SPRY3: variants seen among roughly 807,000 people sequenced by gnomAD.
SPRY3 encodes the protein sprouty RTK signaling antagonist 3.
A neutral mutation model predicts 20.2 loss-of-function variants in SPRY3; 15 were observed. The observed-to-expected ratio is 0.74, with a 90% confidence interval of 0.50 to 1.14. The LOEUF (loss-of-function observed/expected upper bound fraction) is 1.14. SPRY3 is among the 50% of genes most tolerant of loss of function. The pLI, the probability that SPRY3 is intolerant of heterozygous loss-of-function variation, is 0.00. For synonymous variants in SPRY3, 143 were observed against 136.5 expected (o/e 1.05, Z -0.33); for missense variants, 364 against 363.9 (o/e 1.00, Z 0.00).
intron 2 of SPRY3, among the ~76,000 whole-genome samples, chrX:155,712,237 T>A (rs2090991939): frequency 6.6e-6 from 1 of 151,926 alleles, no homozygotes; most frequent in South Asian, 2.1e-4. Context: ...TTAGTCCATG[T>A]TTCTTTGTTG....
chrX:155,661,199 C>A (rs1300666999), intron 2 of SPRY3, among the ~76,000 whole-genome samples: 2 of 111,884 alleles, frequency 1.8e-5, no homozygotes, highest in South Asian at 3.7e-4. Context: ...AAATTCCTTT[C>A]AGCATTTCTT....
At chrX:155,781,656 T>C (rs1354247714), downstream of SPRY3, 3 of 166,992 alleles carry the variant, frequency 1.8e-5, no homozygotes, top group Admixed American at 6.6e-5. Flanking sequence ...ATGACGATAA[T>C]AAAGCCTAGA....
intron 2 of SPRY3, among the ~76,000 whole-genome samples, chrX:155,730,844 T>G (rs1602972131): frequency 6.6e-6 from 1 of 152,072 alleles, no homozygotes; most frequent in South Asian, 2.1e-4. Flanking sequence ...GATACAAAAA[T>G]CAGTAGCATT....
At chrX:155,614,040 A>G (rs2067841770) in intron 1 of SPRY3, among the ~76,000 whole-genome samples, 1 of 112,038 alleles carries the variant, frequency 8.9e-6, no homozygotes, top group South Asian at 3.7e-4. Context: ...AAACAAAAGG[A>G]CATATCCAGA....
chrX:155,634,651 C>A (rs920302916), intron 1 of SPRY3, among the ~76,000 whole-genome samples: 3 of 110,506 alleles, frequency 2.7e-5, no homozygotes, highest in African/African-American at 9.9e-5. Context: ...TAAAGTGCAG[C>A]AAAAATAATT....
At chrX:155,767,075 C>A (rs924983262) in intron 2 of SPRY3, among the ~76,000 whole-genome samples, 2 of 152,092 alleles carry the variant, frequency 1.3e-5, no homozygotes, top group Non-Finnish European at 2.9e-5. Flanking sequence ...CCCACCCCCA[C>A]GTTCCTTTAA....
chrX:155,781,962 G>C (rs919071450), exon 2 of SPRY3: 1 of 166,952 alleles, frequency 6.0e-6, no homozygotes, highest in Non-Finnish European at 1.5e-5. Flanking sequence ...TGCTGGAATA[G>C]GGATCAAGAG....
intron 1 of SPRY3, among the ~76,000 whole-genome samples, chrX:155,651,297 G>T (rs782684244): frequency 4.5e-5 from 5 of 110,548 alleles, no homozygotes; most frequent in Non-Finnish European, 9.5e-5. Context: ...GGTCTCGAGT[G>T]ATCTGCCCAC....
exon 4 of SPRY3, chrX:155,774,747 C>G (rs772966501): frequency 6.2e-7 from 1 of 1,602,342 alleles, no homozygotes; most frequent in Non-Finnish European, 8.5e-7. Context: ...GACCTTCCAA[C>G]AAGGTGGATC....
intron 2 of SPRY3, among the ~76,000 whole-genome samples, chrX:155,751,948 TAAAATAAAATAAAATA>T (rs1241262982): frequency 4.5e-4 from 55 of 121,256 alleles, no homozygotes; most frequent in African/African-American, 1.8e-3. Flanking sequence ...TAAAATAAAA[TAAAATAAAATAAAATA>T]AAATAAAATA....
At chrX:155,778,486 C>T (rs1338454260), downstream of SPRY3, 6 of 166,592 alleles carry the variant, frequency 3.6e-5, no homozygotes, top group Non-Finnish European at 5.9e-5. Context: ...AGAGGGTAAG[C>T]GTTTATTAGC....
intron 1 of SPRY3, among the ~76,000 whole-genome samples, chrX:155,631,717 CTCT>C (rs1442052094): frequency 8.9e-6 from 1 of 111,793 alleles, no homozygotes; most frequent in Non-Finnish European, 1.9e-5. Context: ...TGTTGATTCT[CTCT>C]ATTGCATTTT....
intron 1 of SPRY3, among the ~76,000 whole-genome samples, chrX:155,622,277 C>T (rs782534347): frequency 7.1e-5 from 8 of 112,255 alleles, no homozygotes; most frequent in African/African-American, 2.6e-4. Context: ...CATGTTTCAT[C>T]CCTGAAGGAT....
At chrX:155,694,741 T>C (rs1431035742) in intron 2 of SPRY3, among the ~76,000 whole-genome samples, 1 of 111,184 alleles carries the variant, frequency 9.0e-6, no homozygotes, top group Non-Finnish European at 1.9e-5. Flanking sequence ...TAAAAAGGAG[T>C]GCACAACCTA....
chrX:155,632,893 G>A (rs1201717268), intron 1 of SPRY3, among the ~76,000 whole-genome samples: 3 of 111,528 alleles, frequency 2.7e-5, no homozygotes, highest in African/African-American at 3.3e-5. Flanking sequence ...GTTGTCTTAC[G>A]TAGGCCAGGT....
chrX:155,622,873 G>A (rs1253584278), intron 1 of SPRY3, among the ~76,000 whole-genome samples: 3 of 112,059 alleles, frequency 2.7e-5, no homozygotes, highest in Non-Finnish European at 5.6e-5. Flanking sequence ...TCATTAAGGG[G>A]TCTCAATTAA....
intron 2 of SPRY3, among the ~76,000 whole-genome samples, chrX:155,674,163 C>T (rs1557355073): frequency 9.0e-6 from 1 of 110,889 alleles, no homozygotes; most frequent in African/African-American, 3.3e-5. Context: ...TTCACTGGGA[C>T]GTATAGCTAA....
chrX:155,743,473 T>C (rs1267539653), intron 2 of SPRY3, among the ~76,000 whole-genome samples: 1 of 152,138 alleles, frequency 6.6e-6, no homozygotes, highest in East Asian at 1.9e-4. Context: ...AACCTGGGCA[T>C]GTTACTTGTT....
intron 2 of SPRY3, among the ~76,000 whole-genome samples, chrX:155,659,104 C>CTTTCTTTCT (rs782779524): frequency 1.2e-4 from 10 of 83,926 alleles, no homozygotes; most frequent in Non-Finnish European, 1.8e-4. Flanking sequence ...TTTTTTCTTT[C>CTTTCTTTCT]TTCTTTCTTT....
Sources: allele counts gnomAD v4.1 joint callset (sites outside exome capture counted in the v4.1 genomes callset), GRCh38; gene constraint gnomAD v4.1.1; transcripts MANE v1.5; gene names NCBI Gene and HGNC (gene_info 2026-07-23, HGNC 2026-07-21).